The following CYGB variants were observed in gnomAD, a reference collection of about 807,000 sequenced individuals.
CYGB encodes histoglobin.
A neutral mutation model predicts 20.7 loss-of-function variants in CYGB; 13 were observed. The observed-to-expected ratio is 0.63, with a 90% CI of 0.41 to 1.00. CYGB has a LOEUF of 1.00. Ranked by LOEUF, CYGB falls within the 50% of genes least tolerant of loss-of-function variation. The probability of loss-of-function intolerance (pLI) is 0.00; values close to 1 mark genes in which losing one functional copy is unlikely to be tolerated. For missense variants in CYGB, 218 were observed against 257.2 expected (o/e 0.85, Z 1.04); for synonymous variants, 93 against 107.4 (o/e 0.87, Z 0.83).
At chr17:76,541,748 T>C (rs2074995205), upstream of CYGB, among the ~76,000 whole-genome samples, 1 of 152,188 alleles carries the variant, frequency 6.6e-6, no homozygotes, top group African/African-American at 2.4e-5. Context: ...CCTCAAATGC[T>C]GGGTGGTCCA....
In CYGB at chr17:76,537,589, G is replaced by T; in HGVS notation, c.-47C>A. On this transcript the variant is annotated 5_prime_UTR_variant, in exon 1 of 4. Coordinates refer to ENST00000293230, the MANE Select transcript of CYGB (RefSeq NM_134268.5). ...GGCTTTGCTCGGCGGCGGCGGTGGC[G>T]GGGCGCGGGGCGCGGGGCGCGGGGC... The T allele has an allele frequency of 1.9e-6, 2 of 1,048,284 alleles. No homozygotes were observed. Among genetic ancestry groups the T allele is most frequent in the African/African-American group, 1.7e-5 (1 of 58,406 alleles). The allele number at this position is 1,048,284 out of a possible 1,614,324, so 64.9% of individuals were successfully genotyped here.
chr17:76,533,223 C>T lies in CYGB; in HGVS notation c.144-1532G>A, dbSNP rs1035219275. The stretch of plus-strand genomic sequence containing the variant: ...AGGCCAACTGTGACCTTGGGCAAAC[C>T]GCTTCACAAGCTCCCTGTTTGCAGA... On this transcript the variant is annotated intron_variant, in intron 1 of 3. Coordinates refer to ENST00000293230, the MANE Select transcript of CYGB (RefSeq NM_134268.5). This position sits in a 1 kb window ranked among gnomAD's most constrained non-coding sequence, Gnocchi z 4.5. 1.3e-5 allele frequency among the ~76,000 whole-genome samples: 2 copies of T among 152,168 alleles called. No individual in the cohort carries two copies. The highest frequency in any genetic ancestry group is 6.5e-5 in the Admixed American group (1 of 15,280).
chr17:76,548,552 C>G (rs2075078798), intron 1 of CYGB, among the ~76,000 whole-genome samples: 1 of 152,206 alleles, frequency 6.6e-6, no homozygotes, highest in Admixed American at 6.5e-5. Flanking sequence ...TCCCTGTGAC[C>G]TTTAGTTCTC....
At chr17:76,529,081 C>T in intron 3 of CYGB, 1 of 955,228 alleles carries the variant, frequency 1.0e-6, no homozygotes, top group East Asian at 1.3e-4. Flanking sequence ...AAGGCGCACA[C>T]CCTGGAGCAG....
chr17:76,528,273 A>G lies in CYGB; in HGVS notation c.*305T>C. ...ACGGGGCTGGTTTATTCCCTAAGGG[A>G]CTCCTAGACCTGTCCCGCTTCCTGC... On this transcript the variant is annotated 3_prime_UTR_variant, in exon 4 of 4. Transcript: ENST00000293230. This position sits in a 1 kb window ranked among gnomAD's most constrained non-coding sequence, Gnocchi z 5.8. 1 of 398,782 alleles carries G rather than the reference A, an allele frequency of 2.5e-6. No individual in the cohort carries two copies. The highest frequency in any genetic ancestry group is 4.4e-6 in the Non-Finnish European group (1 of 226,452). The allele number at this position is 398,782 out of a possible 1,614,324, so 24.7% of individuals were successfully genotyped here. A position where few individuals can be genotyped will look rare whatever the true frequency, so the allele number is the denominator to read the frequency against.
rs753998867 is a variant in CYGB, at chr17:76,546,471, T to TGTGTGCGC, written c.-53+4390_-53+4391insGCGCACAC. 1 of 151,082 alleles carries TGTGTGCGC rather than the reference T, an allele frequency of 6.6e-6. No individual in the cohort carries two copies. The highest frequency in any genetic ancestry group is 2.5e-5 in the African/African-American group (1 of 40,428). 9.4% of individuals were successfully genotyped at this position (151,082 alleles called of 1,614,324 possible). ...TGGTTTGTGTGTGTGTGTGTGTGTG[T>TGTGTGCGC]GCGCGCAGTCCTGGGCAAGGGCAAA... is the stretch of plus-strand genomic sequence containing the variant. On this transcript the variant is annotated intron_variant, in intron 1 of 3. Coordinates refer to the CYGB transcript ENST00000589145. The surrounding 1 kb of genome is among the most constrained non-coding windows in gnomAD (Gnocchi z 4.5).
rs552433849 is a variant in CYGB at position 76,543,644 on chromosome 17, T to C, written c.-53+7218A>G. Among the ~76,000 whole-genome samples the C allele has an allele frequency of 2.6e-5, 4 of 152,320 alleles. No individual in the cohort carries two copies. The East Asian group carries it at 5.8e-4, about 22-fold the overall frequency. On this transcript the variant is annotated intron_variant, in intron 1 of 3. Coordinates refer to the CYGB transcript ENST00000589145. ...CCCACCATGGCAGGCGGCCTCCCCC[T>C]GGAACCTAACAGTTTGCAGGGGTTG...
upstream of CYGB, chr17:76,542,530 C>T (rs200930462): frequency 3.7e-6 from 6 of 1,614,004 alleles, no homozygotes; most frequent in Admixed American, 1.7e-5. Flanking sequence ...TCAATCCTGA[C>T]CCCAGTGCTT....
At chr17:76,541,966 T>C (rs1357343201), upstream of CYGB, among the ~76,000 whole-genome samples, 2 of 152,214 alleles carry the variant, frequency 1.3e-5, no homozygotes, top group Admixed American at 1.3e-4. Context: ...GCTCGGGACC[T>C]GTGCTTTAGT....
chr17:76,537,344 C>T (rs2074929143), intron 1 of CYGB, 56 bp downstream of exon 1: 1 of 1,511,766 alleles, frequency 6.6e-7, no homozygotes, highest in Non-Finnish European at 8.8e-7. Flanking sequence ...CCTCCTCTGC[C>T]CGGAGCCGCT....
At chr17:76,529,205 G>A in intron 3 of CYGB, 2 of 985,414 alleles carry the variant, frequency 2.0e-6, no homozygotes, top group Non-Finnish European at 2.4e-6. Flanking sequence ...TCGAGCCCAT[G>A]GGGACCCTGG....
At chr17:76,538,571 C>G (rs2074950704), upstream of CYGB, 1 of 461,462 alleles carries the variant, frequency 2.2e-6, no homozygotes, top group African/African-American at 2.0e-5. Flanking sequence ...CAGAGAGGCA[C>G]CGGATAGGGC....
Position 76,528,455 on chromosome 17 carries a change from G to A in CYGB, c.*123C>T, listed in dbSNP as rs908242743. ...CTGGCCGCCACAGAGGCCTCCTTCGGGGAAGTTGAGTCAGGGATTCCTCCA... is the reference window on the plus strand; with the variant it reads ...CTGGCCGCCACAGAGGCCTCCTTCGAGGAAGTTGAGTCAGGGATTCCTCCA... On this transcript the variant is annotated 3_prime_UTR_variant, in exon 4 of 4. Transcript: ENST00000293230. This position sits in a 1 kb window ranked among gnomAD's most constrained non-coding sequence, Gnocchi z 5.8. 9.4e-6 allele frequency: 9 copies of A among 957,150 alleles called. No homozygotes were observed. In the East Asian group the frequency reaches 2.6e-4, roughly 28 times the overall value. The allele number at this position is 957,150 out of a possible 1,614,324, so 59.3% of individuals were successfully genotyped here.
rs367579548 is a variant in CYGB, at chr17:76,531,344, C to T, written c.375+116G>A. 28 of 1,349,970 alleles carry T rather than the reference C, an allele frequency of 2.1e-5. No individual in the cohort carries two copies. Among genetic ancestry groups the T allele is most frequent in the African/African-American group, 8.7e-5 (6 of 69,030 alleles). 83.6% of individuals were successfully genotyped at this position (1,349,970 alleles called of 1,614,324 possible). A position where few individuals can be genotyped will look rare whatever the true frequency, so the allele number is the denominator to read the frequency against. ...GCTGCCGGGCACTGCCCCTCCCTCT[C>T]GCAGCCACTCCGGGGATCACCTCTG... On this transcript the variant is annotated intron_variant, in intron 2 of 3. Transcript: ENST00000293230. This position sits in a 1 kb window ranked among gnomAD's most constrained non-coding sequence, Gnocchi z 7.4.
upstream of CYGB, chr17:76,540,260 G>C (rs772423009): frequency 2.7e-5 from 25 of 933,216 alleles, no homozygotes; most frequent in South Asian, 3.0e-4. The surrounding 1 kb of genome is among the most constrained non-coding windows in gnomAD (Gnocchi z 5.0). Flanking sequence ...TCGGGGGGGG[G>C]GGGCATGGGG....
chr17:76,545,986 A>G (rs575236765), intron 1 of CYGB: 112 of 155,708 alleles, frequency 7.2e-4, no homozygotes, highest in Admixed American at 2.1e-3. Context: ...CCTGTACTGG[A>G]GAAGACCACC....
At position 76,528,645 on chromosome 17, in the gene CYGB, T is replaced by C; in HGVS notation, c.540-34A>G. On this transcript the variant is annotated intron_variant, in intron 3 of 3. Coordinates refer to ENST00000293230, the MANE Select transcript of CYGB (RefSeq NM_134268.5). The surrounding 1 kb of genome is among the most constrained non-coding windows in gnomAD (Gnocchi z 5.8). ...GAGATAGGAAGGGAAGGACAAACGT[T>C]ACCAGAGGCAGGGAAGGACCCTCGG... 1 of 1,266,688 alleles carries C rather than the reference T, an allele frequency of 7.9e-7. No individual in the cohort carries two copies. Among genetic ancestry groups the C allele is most frequent in the Non-Finnish European group, 1.0e-6 (1 of 997,614 alleles). 78.5% of individuals were successfully genotyped at this position (1,266,688 alleles called of 1,614,324 possible).
chr17:76,537,308 C>T (rs1353708121), intron 1 of CYGB, 92 bp downstream of exon 1: 4 of 1,350,068 alleles, frequency 3.0e-6, no homozygotes, highest in Non-Finnish European at 2.9e-6. Context: ...GGGGAGGTGG[C>T]GCTGGAGCTC....
Position 76,527,923 on chromosome 17 carries a change from G to C in CYGB, c.*655C>G. 1 of 400,636 alleles carries C rather than the reference G, an allele frequency of 2.5e-6. No individual in the cohort carries two copies. The highest frequency in any genetic ancestry group is 5.1e-6 in the Non-Finnish European group (1 of 195,418). The allele number at this position is 400,636 out of a possible 1,614,324, so 24.8% of individuals were successfully genotyped here. A position where few individuals can be genotyped will look rare whatever the true frequency, so the allele number is the denominator to read the frequency against. On this transcript the variant is annotated 3_prime_UTR_variant, in exon 4 of 4. Coordinates refer to ENST00000293230, the MANE Select transcript of CYGB (RefSeq NM_134268.5). ...GAATGTGGGGAGCTGGTCTGAGAAG[G>C]GGCTGGGCTTTGCCGCCAAGCCGGG...
Sources: allele counts gnomAD v4.1 joint callset (sites outside exome capture counted in the v4.1 genomes callset), GRCh38; gene constraint gnomAD v4.1.1; non-coding constraint Gnocchi (gnomAD v3.1); transcripts MANE v1.5; gene names NCBI Gene and HGNC (gene_info 2026-07-23, HGNC 2026-07-21).